KLF17: variants seen among roughly 807,000 people sequenced by gnomAD.
KLF17 encodes KLF transcription factor 17.
In KLF17, 31 loss-of-function variants were observed where a neutral mutation model predicts 34.2. The ratio of observed to expected loss-of-function variants is 0.91; its 90% CI spans 0.68 to 1.22. The LOEUF (loss-of-function observed/expected upper bound fraction) is 1.22. Among genes scored for constraint, KLF17 ranks in the 50% most tolerant of loss-of-function variants. The pLI, the probability that KLF17 is intolerant of heterozygous loss-of-function variation, is 0.00. For missense variants in KLF17, 478 were observed against 505.2 expected (o/e 0.95, Z 0.52); for synonymous variants, 179 against 186.7 (o/e 0.96, Z 0.34).
At chr1:44,107,857 T>A in the KLF17 span, among the ~76,000 whole-genome samples, 28 of 152,188 alleles carry the variant, frequency 1.8e-4, no homozygotes, top group Non-Finnish European at 5.9e-5. Flanking sequence ...TTATCATAGG[T>A]ATGTACGTAT....
At chr1:44,093,091 T>G in the KLF17 span, among the ~76,000 whole-genome samples, 1 of 152,134 alleles carries the variant, frequency 6.6e-6, no homozygotes, top group African/African-American at 2.4e-5. Flanking sequence ...GAAAGACAGT[T>G]TTGCTTGATG....
At chr1:44,107,040 A>G in the KLF17 span, 1 of 151,768 alleles carries the variant, frequency 6.6e-6, no homozygotes, top group Admixed American at 6.6e-5. Context: ...TCAGGATGGG[A>G]GAGGGGGTGG....
At chr1:44,104,140 A>T in the KLF17 span, 2 of 1,046,462 alleles carry the variant, frequency 1.9e-6, no homozygotes, top group Non-Finnish European at 3.0e-6. Flanking sequence ...TCCAGGCCAG[A>T]CTCCAGCTCT....
At chr1:44,063,414 T>C in the KLF17 span, among the ~76,000 whole-genome samples, 1 of 152,334 alleles carries the variant, frequency 6.6e-6, no homozygotes, top group East Asian at 1.9e-4. Flanking sequence ...AATCATTAAG[T>C]GTTGTTACTA....
the KLF17 span, chr1:44,104,107 A>C: frequency 1.0e-6 from 1 of 971,424 alleles, no homozygotes; most frequent in Non-Finnish European, 1.7e-6. Flanking sequence ...CGCCTGAGGA[A>C]GTTGATCTCG....
chr1:44,050,269 A>G, the KLF17 span, among the ~76,000 whole-genome samples: 8 of 152,204 alleles, frequency 5.3e-5, no homozygotes, highest in Non-Finnish European at 1.0e-4. Flanking sequence ...ACCACTGCCA[A>G]TGAGGTAGGA....
the KLF17 span, among the ~76,000 whole-genome samples, chr1:44,077,204 T>C: frequency 6.6e-6 from 1 of 151,480 alleles, no homozygotes; most frequent in Non-Finnish European, 1.5e-5. Flanking sequence ...AATTAGCCAG[T>C]TGTGGTGGTG....
chr1:44,118,122 T>G (rs916491686), upstream of KLF17, among the ~76,000 whole-genome samples: 2 of 152,210 alleles, frequency 1.3e-5, no homozygotes, highest in Admixed American at 1.3e-4. Context: ...CATTTCATTT[T>G]CAGCTCACAT....
chr1:44,111,057 G>T, the KLF17 span, among the ~76,000 whole-genome samples: 3 of 152,142 alleles, frequency 2.0e-5, no homozygotes, highest in African/African-American at 7.2e-5. Context: ...TGTGACCATG[G>T]CTCACTGCAG....
chr1:44,087,749 TATATATATATATATATATATACACACAC>T, the KLF17 span, among the ~76,000 whole-genome samples: 3 of 79,248 alleles, frequency 3.8e-5, no homozygotes, highest in South Asian at 3.5e-4. Context: ...TATATATATA[TATATATATATATATATATATACACACAC>T]ACACACACAC....
chr1:44,113,092 A>C, the KLF17 span, among the ~76,000 whole-genome samples: 14,796 of 152,236 alleles, frequency 0.097, 788 homozygotes, highest in African/African-American at 0.14. Context: ...GTAACCTCAA[A>C]GTTGATTTGT....
chr1:44,124,744 C>T (rs558439366), intron 1 of KLF17, among the ~76,000 whole-genome samples: 5 of 152,236 alleles, frequency 3.3e-5, no homozygotes, highest in African/African-American at 9.6e-5. Context: ...GATCCACCCA[C>T]CTCGGTCTCC....
At chr1:44,094,359 T>G in the KLF17 span, among the ~76,000 whole-genome samples, 1 of 152,202 alleles carries the variant, frequency 6.6e-6, no homozygotes. Flanking sequence ...TGTGATCCTG[T>G]TTTTCCATTT....
At chr1:44,127,678 CTT>C (rs1164068033) in intron 1 of KLF17, among the ~76,000 whole-genome samples, 3 of 38,762 alleles carry the variant, frequency 7.7e-5, no homozygotes, top group African/African-American at 2.2e-4. Context: ...TTCTTTCTTT[CTT>C]TCTTTCTTTC....
the KLF17 span, among the ~76,000 whole-genome samples, chr1:44,082,546 G>T: frequency 6.6e-6 from 1 of 152,144 alleles, no homozygotes; most frequent in African/African-American, 2.4e-5. Context: ...AGGGACATTG[G>T]TATCATGGGG....
At chr1:44,124,224 A>C (rs778548113) in intron 1 of KLF17, among the ~76,000 whole-genome samples, 52 of 151,364 alleles carry the variant, frequency 3.4e-4, no homozygotes, top group Non-Finnish European at 5.7e-4. Context: ...TCAAGGAATG[A>C]TTTAATTCTG....
At chr1:44,099,913 GAA>G in the KLF17 span, among the ~76,000 whole-genome samples, 4 of 57,576 alleles carry the variant, frequency 6.9e-5, 1 homozygote, top group Non-Finnish European at 1.5e-4. Context: ...AAGAAAGAAA[GAA>G]AGAAAAGAAA....
At chr1:44,049,767 G>A in the KLF17 span, among the ~76,000 whole-genome samples, 18 of 152,380 alleles carry the variant, frequency 1.2e-4, no homozygotes, top group Admixed American at 1.0e-3. Flanking sequence ...ACCAGCGTGA[G>A]CCGCCGTACC....
the KLF17 span, among the ~76,000 whole-genome samples, chr1:44,045,660 A>G: frequency 6.6e-6 from 1 of 152,160 alleles, no homozygotes; most frequent in Non-Finnish European, 1.5e-5. Flanking sequence ...AGTTGCCAGC[A>G]CCCACTGCCC....
Sources: allele counts gnomAD v4.1 joint callset (sites outside exome capture counted in the v4.1 genomes callset), GRCh38; gene constraint gnomAD v4.1.1; transcripts MANE v1.5; gene names NCBI Gene and HGNC (gene_info 2026-07-23, HGNC 2026-07-21).